CSMD1: variants seen among roughly 807,000 people sequenced by gnomAD.
The protein encoded by CSMD1 is CUB and Sushi multiple domains 1, also known as CUB and sushi domain-containing protein 1.
Under a neutral mutation model 417.5 loss-of-function variants are expected in CSMD1, and 213 were observed. That is an observed-to-expected ratio of 0.51 (90% CI 0.46 to 0.57). The LOEUF is 0.57. Ranked by LOEUF, CSMD1 falls within the 20% of genes least tolerant of loss-of-function variation. CSMD1 has a pLI of 0.00. For synonymous variants in CSMD1, 2,862 were observed against 1,736.8 expected (o/e 1.65, Z -16.11); for missense variants, 6,923 against 4,529.7 (o/e 1.53, Z -15.17).
Position 4,969,991 on chromosome 8 carries a change from G to T in CSMD1, c.85+24341C>A, listed in dbSNP as rs1040891215. ...TTACATACGTACCATGCCTTCCATGGTCCGTATATTAATTATTTCTGCAAT... is the reference window on the plus strand; with the variant it reads ...TTACATACGTACCATGCCTTCCATGTTCCGTATATTAATTATTTCTGCAAT... On this transcript the variant is annotated intron_variant, in intron 1 of 69. Coordinates refer to ENST00000635120, the MANE Select transcript of CSMD1 (RefSeq NM_033225.6). Among the ~76,000 whole-genome samples the T allele has an allele frequency of 2.7e-5, 4 of 149,468 alleles. No individual in the cohort carries two copies. The East Asian group carries it at 5.8e-4, about 22-fold the overall frequency.
intron 46 of CSMD1, among the ~76,000 whole-genome samples, chr8:3,099,803 T>C (rs1295541455): frequency 6.6e-6 from 1 of 152,156 alleles, no homozygotes; most frequent in Non-Finnish European, 1.5e-5. Flanking sequence ...AAAGACAAAA[T>C]GAAAATATAA....
At chr8:4,319,191 A>T (rs1799116047) in intron 3 of CSMD1, among the ~76,000 whole-genome samples, 1 of 152,190 alleles carries the variant, frequency 6.6e-6, no homozygotes, top group Non-Finnish European at 1.5e-5. Flanking sequence ...TCCCCCAGTA[A>T]TTCCAATTAC....
intron 1 of CSMD1, among the ~76,000 whole-genome samples, chr8:4,776,140 C>A (rs1276665788): frequency 6.6e-6 from 1 of 152,002 alleles, no homozygotes; most frequent in Non-Finnish European, 1.5e-5. Context: ...ATCCAGAACA[C>A]CAAGGTGAAG....
chr8:4,441,938 C>T (rs899317905), intron 2 of CSMD1, among the ~76,000 whole-genome samples: 1 of 152,126 alleles, frequency 6.6e-6, no homozygotes, highest in Non-Finnish European at 1.5e-5. Flanking sequence ...CTTACATAAC[C>T]ATTGTACTGA....
At chr8:4,028,760 A>C (rs955589646) in intron 4 of CSMD1, among the ~76,000 whole-genome samples, 3 of 152,184 alleles carry the variant, frequency 2.0e-5, no homozygotes, top group Admixed American at 2.0e-4. Context: ...TTGTTGTGAG[A>C]GTTAAATGGT....
At chr8:4,025,991 T>C (rs1430433219) in intron 4 of CSMD1, among the ~76,000 whole-genome samples, 2 of 148,636 alleles carry the variant, frequency 1.3e-5, no homozygotes, top group African/African-American at 4.9e-5. Flanking sequence ...GAGACAGTCA[T>C]GCTACTGTTA....
intron 1 of CSMD1, among the ~76,000 whole-genome samples, chr8:4,668,609 C>T (rs979073805): frequency 6.6e-6 from 1 of 151,946 alleles, no homozygotes; most frequent in Admixed American, 6.6e-5. Context: ...GCCACCACGC[C>T]TGGCTAATTT....
intron 26 of CSMD1, among the ~76,000 whole-genome samples, chr8:3,250,255 G>C (rs530280104): frequency 6.6e-6 from 1 of 152,160 alleles, no homozygotes; most frequent in South Asian, 2.1e-4. Context: ...TTCCCTTCCT[G>C]TGTCCATGTG....
At chr8:4,146,958 G>A (rs1804173780) in intron 3 of CSMD1, among the ~76,000 whole-genome samples, 2 of 144,264 alleles carry the variant, frequency 1.4e-5, no homozygotes, top group South Asian at 2.1e-4. Flanking sequence ...CCGGCATCAG[G>A]CATCTTCATC....
intron 5 of CSMD1, among the ~76,000 whole-genome samples, chr8:3,849,905 T>A (rs117810281): frequency 0.011 from 1,621 of 152,226 alleles, 13 homozygotes; most frequent in Non-Finnish European, 0.017. Context: ...AACCTCCACC[T>A]CCCAGTTCAA....
intron 7 of CSMD1, chr8:3,700,366 T>C (rs532698717): frequency 1.3e-5 from 2 of 152,332 alleles, no homozygotes; most frequent in East Asian, 1.9e-4. Context: ...GGTTACTTTA[T>C]GTGTGTGTTT....
At chr8:4,234,731 C>G (rs575011508) in intron 3 of CSMD1, among the ~76,000 whole-genome samples, 1 of 152,258 alleles carries the variant, frequency 6.6e-6, no homozygotes, top group East Asian at 1.9e-4. Flanking sequence ...GCTGCTGCCG[C>G]TGAAAACTGG....
intron 3 of CSMD1, among the ~76,000 whole-genome samples, chr8:4,128,837 A>G (rs1802919475): frequency 6.6e-6 from 1 of 152,068 alleles, no homozygotes; most frequent in African/African-American, 2.4e-5. Flanking sequence ...GATTCATGTC[A>G]TTATTGGTAA....
chr8:4,727,887 C>T (rs1210064425), intron 1 of CSMD1, among the ~76,000 whole-genome samples: 1 of 145,752 alleles, frequency 6.9e-6, no homozygotes, highest in Non-Finnish European at 1.5e-5. Context: ...CCAATATGTA[C>T]CCACCTATAC....
chr8:2,950,379 G>C (rs764477883), intron 66 of CSMD1, 36 bp from the exon 67 acceptor site: 1 of 1,293,392 alleles, frequency 7.7e-7, no homozygotes, highest in Non-Finnish European at 1.1e-6. Flanking sequence ...TTACCTTGGA[G>C]AAAGTTAGTA....
chr8:3,301,447 A>C (rs1334092728), intron 25 of CSMD1, among the ~76,000 whole-genome samples: 2 of 152,210 alleles, frequency 1.3e-5, no homozygotes, highest in African/African-American at 2.4e-5. Context: ...TTATTAGTAC[A>C]GAAGGAAGGT....
At chr8:4,594,190 G>C (rs956685690) in intron 2 of CSMD1, among the ~76,000 whole-genome samples, 3 of 105,544 alleles carry the variant, frequency 2.8e-5, no homozygotes, top group Admixed American at 9.7e-5. Context: ...TAATTCTAAA[G>C]TGATCTTTTT....
At chr8:4,499,053 A>T (rs1200685337) in intron 2 of CSMD1, among the ~76,000 whole-genome samples, 1 of 152,230 alleles carries the variant, frequency 6.6e-6, no homozygotes, top group Non-Finnish European at 1.5e-5. Context: ...ATCTCTTAAG[A>T]ATACAGCACT....
chr8:3,090,390 C>G (rs957986399), intron 48 of CSMD1, among the ~76,000 whole-genome samples: 1 of 149,182 alleles, frequency 6.7e-6, no homozygotes, highest in South Asian at 2.1e-4. Flanking sequence ...GAATGCAAAT[C>G]CCATCATTGC....
Sources: allele counts gnomAD v4.1 joint callset (sites outside exome capture counted in the v4.1 genomes callset), GRCh38; gene constraint gnomAD v4.1.1; transcripts MANE v1.5; gene names NCBI Gene and HGNC (gene_info 2026-07-23, HGNC 2026-07-21).